Variants in OR9Q1 observed in about 807,000 individuals in gnomAD.
The protein encoded by OR9Q1 is olfactory receptor 9Q1.
For synonymous variants in OR9Q1, 153 were observed against 148.6 expected (o/e 1.03, Z -0.22); for missense variants, 374 against 378.8 (o/e 0.99, Z 0.11).
intron 2 of OR9Q1, among the ~76,000 whole-genome samples, chr11:58,126,290 T>C (rs1170002608): frequency 6.6e-6 from 1 of 152,202 alleles, no homozygotes; most frequent in Non-Finnish European, 1.5e-5. Context: ...TAGTGAATAG[T>C]CTCATCTCCT....
Position 58,179,892 on chromosome 11 carries a change from G to A in OR9Q1, c.448G>A (p.Val150Ile), listed in dbSNP as rs143790878. ...CTTGAGTCTTGTGGCTGGGGCTTAC[G>A]TTGCTGGTCTCATCAGTGCCTTGGT... The part of the protein sequence containing the change: ...ARLSLVAGAY[V>I]AGLISALVRT... Residue 150 changes from valine to isoleucine, a missense_variant, in exon 3 of 3, where the codon GTT becomes ATT. Physicochemically the swap from Val to Ile is conservative, Grantham distance 29. Transcript: ENST00000335397. 2.8e-5 allele frequency: 46 copies of A among 1,614,150 alleles called. No homozygotes were observed. Among genetic ancestry groups the A allele is most frequent in the Middle Eastern group, 1.6e-4 (1 of 6,062 alleles).
intron 1 of OR9Q1, chr11:58,044,703 T>C (rs1260537728): frequency 6.6e-6 from 1 of 152,220 alleles, no homozygotes; most frequent in Non-Finnish European, 1.5e-5. Context: ...TCAGGTACTG[T>C]ACAGGGTGTT....
intron 1 of OR9Q1, among the ~76,000 whole-genome samples, chr11:58,047,024 G>A (rs935421283): frequency 5.3e-5 from 8 of 152,306 alleles, no homozygotes; most frequent in African/African-American, 1.9e-4. Context: ...TAAATCAGTA[G>A]TATCTCTAGG....
At chr11:58,122,554 G>A (rs1854044679) in intron 2 of OR9Q1, among the ~76,000 whole-genome samples, 1 of 152,148 alleles carries the variant, frequency 6.6e-6, no homozygotes, top group South Asian at 2.1e-4. Flanking sequence ...TAAATACTGA[G>A]TATATAAAGC....
At chr11:58,050,433 A>G (rs1196362099) in intron 1 of OR9Q1, among the ~76,000 whole-genome samples, 4 of 131,330 alleles carry the variant, frequency 3.0e-5, no homozygotes, top group Non-Finnish European at 1.6e-5. Flanking sequence ...CTTACACCTT[A>G]TACAAAAATC....
At chr11:58,105,890 A>G (rs1337873643) in intron 2 of OR9Q1, among the ~76,000 whole-genome samples, 3 of 152,110 alleles carry the variant, frequency 2.0e-5, no homozygotes, top group Non-Finnish European at 4.4e-5. Flanking sequence ...GATTGTTTCC[A>G]TATCTAGGCT....
chr11:58,027,707 C>T (rs368605297), intron 1 of OR9Q1, among the ~76,000 whole-genome samples: 1 of 152,186 alleles, frequency 6.6e-6, no homozygotes, highest in African/African-American at 2.4e-5. Context: ...TCTCAGCCCA[C>T]AGGTGAAATG....
At chr11:58,083,617 A>G (rs960534021) in intron 2 of OR9Q1, among the ~76,000 whole-genome samples, 7 of 149,022 alleles carry the variant, frequency 4.7e-5, no homozygotes, top group East Asian at 3.9e-4. Flanking sequence ...TCTTTAATCC[A>G]TCTTGAGTTA....
intron 2 of OR9Q1, among the ~76,000 whole-genome samples, chr11:58,154,907 T>A (rs1229149912): frequency 6.6e-6 from 1 of 152,214 alleles, no homozygotes; most frequent in African/African-American, 2.4e-5. Context: ...GTTAGGTGCT[T>A]GCTTCTCATT....
At chr11:58,132,997 GC>G (rs1854156158) in intron 2 of OR9Q1, among the ~76,000 whole-genome samples, 1 of 152,156 alleles carries the variant, frequency 6.6e-6, no homozygotes, top group South Asian at 2.1e-4. Flanking sequence ...AGTTACAGGT[GC>G]TGAAGATGTC....
At chr11:58,178,836 C>A (rs1854628769) in intron 2 of OR9Q1, among the ~76,000 whole-genome samples, 1 of 149,520 alleles carries the variant, frequency 6.7e-6, no homozygotes, top group Non-Finnish European at 1.5e-5. Flanking sequence ...TAAGATCAGT[C>A]ATCTCTGAAG....
chr11:58,178,737 C>T (rs1854627891), intron 2 of OR9Q1, among the ~76,000 whole-genome samples: 1 of 151,766 alleles, frequency 6.6e-6, no homozygotes, highest in Admixed American at 6.6e-5. Flanking sequence ...CGAGAATGTG[C>T]ACCCCTGTTC....
chr11:58,124,107 A>T (rs1411494560), intron 2 of OR9Q1, among the ~76,000 whole-genome samples: 7 of 152,172 alleles, frequency 4.6e-5, no homozygotes, highest in Non-Finnish European at 1.0e-4. Context: ...GAAAAATTTT[A>T]GGAGCAGACT....
At chr11:58,173,631 T>C (rs988105009) in intron 2 of OR9Q1, among the ~76,000 whole-genome samples, 2 of 152,224 alleles carry the variant, frequency 1.3e-5, no homozygotes, top group African/African-American at 2.4e-5. Flanking sequence ...TGAGAGCTTC[T>C]TCCTGGCCCC....
intron 2 of OR9Q1, among the ~76,000 whole-genome samples, chr11:58,115,666 A>T (rs935756268): frequency 6.6e-6 from 1 of 152,180 alleles, no homozygotes; most frequent in Non-Finnish European, 1.5e-5. Context: ...CCACTGTCTG[A>T]CATGGGCGTC....
At chr11:58,151,640 G>A (rs778733660) in intron 2 of OR9Q1, among the ~76,000 whole-genome samples, 16 of 152,160 alleles carry the variant, frequency 1.1e-4, no homozygotes, top group Non-Finnish European at 2.4e-4. Context: ...TAAAAATGCT[G>A]GGTAAACATA....
intron 2 of OR9Q1, among the ~76,000 whole-genome samples, chr11:58,102,047 T>C (rs1853789163): frequency 6.6e-6 from 1 of 152,120 alleles, no homozygotes; most frequent in African/African-American, 2.4e-5. Flanking sequence ...CGCCCGGCCA[T>C]CTTCCAGAAT....
chr11:58,109,904 T>A (rs1046083737), intron 2 of OR9Q1, among the ~76,000 whole-genome samples: 6 of 152,180 alleles, frequency 3.9e-5, no homozygotes, highest in Non-Finnish European at 8.8e-5. Context: ...TTGCTTATTG[T>A]CTGGGATGTT....
At chr11:58,069,362 G>A (rs899150900) in intron 2 of OR9Q1, among the ~76,000 whole-genome samples, 59 of 152,128 alleles carry the variant, frequency 3.9e-4, no homozygotes, top group Non-Finnish European at 1.0e-4. Context: ...TGTGACACCT[G>A]CAGTGTGCAA....
Sources: allele counts gnomAD v4.1 joint callset (sites outside exome capture counted in the v4.1 genomes callset), GRCh38; gene constraint gnomAD v4.1.1; transcripts MANE v1.5; gene names NCBI Gene and HGNC (gene_info 2026-07-23, HGNC 2026-07-21).